FAM163A: variants seen among roughly 807,000 people sequenced by gnomAD.
The protein encoded by FAM163A is protein FAM163A.
Under a neutral mutation model 12.0 loss-of-function variants are expected in FAM163A, and 7 were observed. The observed-to-expected ratio is 0.58, with a 90% CI of 0.33 to 1.10. The LOEUF (loss-of-function observed/expected upper bound fraction) is 1.10. Ranked by LOEUF, FAM163A falls within the 50% of genes least tolerant of loss-of-function variation. The probability of loss-of-function intolerance (pLI) is 0.03; values close to 1 mark genes in which losing one functional copy is unlikely to be tolerated. For missense variants in FAM163A, 202 were observed against 218.6 expected, an observed-to-expected ratio of 0.92 and a Z score of 0.48; for synonymous variants, 101 against 91.0, an observed-to-expected ratio of 1.11 and a Z score of -0.62.
chr1:179,807,706 A>G (rs2777920), intron 1 of FAM163A, 92 bp from the exon 2 acceptor site: 77,740 of 152,204 alleles, frequency 0.51, 22,480 homozygotes, highest in African/African-American at 0.79. Flanking sequence ...CCACTCTAGA[A>G]GCTGGGGTCA....
Position 179,813,094 on chromosome 1 carries a change from G to C in FAM163A, c.-4G>C. 1 of 1,551,726 alleles carries C rather than the reference G, an allele frequency of 6.4e-7. No individual in the cohort carries two copies. The highest frequency in any genetic ancestry group is 2.4e-5 in the East Asian group (1 of 40,910). ...TTTGCAGAGTTTGATGGGGCGCCGG[G>C]CGGATGACAGCGGGAACGGTTGTGA... On this transcript the variant is annotated 5_prime_UTR_variant, in exon 4 of 5. Coordinates refer to ENST00000341785, the MANE Select transcript of FAM163A (RefSeq NM_173509.3).
intron 1 of FAM163A, among the ~76,000 whole-genome samples, chr1:179,807,499 G>A (rs1252981339): frequency 6.6e-6 from 1 of 152,178 alleles, no homozygotes; most frequent in Non-Finnish European, 1.5e-5. Context: ...TGCCCCACTC[G>A]CCGTCACCTC....
At chr1:179,779,365 A>G (rs1353500371) in intron 1 of FAM163A, among the ~76,000 whole-genome samples, 1 of 152,122 alleles carries the variant, frequency 6.6e-6, no homozygotes, top group African/African-American at 2.4e-5. Flanking sequence ...AGCAGTCAGG[A>G]TCATGCCTTC....
chr1:179,760,108 G>T (rs1343714790), intron 1 of FAM163A, among the ~76,000 whole-genome samples: 2 of 152,222 alleles, frequency 1.3e-5, no homozygotes, highest in African/African-American at 4.8e-5. Context: ...GTTGGAAGAT[G>T]GTTATGGCGG....
At chr1:179,783,028 G>A (rs1374068885) in intron 1 of FAM163A, among the ~76,000 whole-genome samples, 1 of 152,010 alleles carries the variant, frequency 6.6e-6, no homozygotes, top group African/African-American at 2.4e-5. Flanking sequence ...TACTTGGGAG[G>A]CTGAGGCATG....
chr1:179,735,006 A>G, the FAM163A span, among the ~76,000 whole-genome samples: 1 of 152,204 alleles, frequency 6.6e-6, no homozygotes. Context: ...TAAAAGTTAA[A>G]ACAAAAAAAG....
At position 179,816,196 on chromosome 1, in the gene FAM163A, C is replaced by T. The variant is rs754289231; in HGVS notation, c.*2007C>T. 5 of 152,238 alleles carry T rather than the reference C, an allele frequency of 3.3e-5. No individual in the cohort carries two copies. The highest frequency in any genetic ancestry group is 4.4e-5 in the Non-Finnish European group (3 of 68,054). 9.4% of individuals were successfully genotyped at this position (152,238 alleles called of 1,614,324 possible). On this transcript the variant is annotated 3_prime_UTR_variant, in exon 5 of 5. Transcript: ENST00000341785. ...CAATAAAACAAGATTAGCAGCAAAA[C>T]AATTTTAATTGTCAGTGAAAAGCAA...
At chr1:179,799,133 T>C (rs1692801447) in intron 1 of FAM163A, among the ~76,000 whole-genome samples, 1 of 149,554 alleles carries the variant, frequency 6.7e-6, no homozygotes, top group Non-Finnish European at 1.5e-5. Context: ...AACAAGTGTT[T>C]CACTGCTGAA....
At chr1:179,758,894 T>G (rs1352852738) in intron 1 of FAM163A, among the ~76,000 whole-genome samples, 1 of 152,208 alleles carries the variant, frequency 6.6e-6, no homozygotes, top group Non-Finnish European at 1.5e-5. Context: ...GCTCCAGCAC[T>G]ATGGTTGGCA....
chr1:179,744,221 C>T (rs942653771), intron 1 of FAM163A, among the ~76,000 whole-genome samples: 2 of 152,178 alleles, frequency 1.3e-5, no homozygotes, highest in Admixed American at 6.5e-5. Flanking sequence ...CCGCGGTGTC[C>T]TTGCTCCCGA....
At chr1:179,741,170 A>G (rs1375201863), upstream of FAM163A, among the ~76,000 whole-genome samples, 1 of 152,252 alleles carries the variant, frequency 6.6e-6, no homozygotes, top group Non-Finnish European at 1.5e-5. Context: ...AGTAGCCTAT[A>G]AACATATGTA....
At chr1:179,791,670 A>G (rs749470311) in intron 1 of FAM163A, among the ~76,000 whole-genome samples, 8 of 152,168 alleles carry the variant, frequency 5.3e-5, no homozygotes, top group Non-Finnish European at 1.0e-4. Flanking sequence ...ACAGTTGCTA[A>G]CTGGATTTTT....
chr1:179,762,198 A>G (rs11590974), intron 1 of FAM163A, among the ~76,000 whole-genome samples: 35,088 of 152,198 alleles, frequency 0.23, 4,323 homozygotes, highest in Non-Finnish European at 0.25. Flanking sequence ...AGAGATAATC[A>G]TGTTAGAAAC....
At chr1:179,740,209 G>A (rs1683471134), upstream of FAM163A, among the ~76,000 whole-genome samples, 1 of 149,982 alleles carries the variant, frequency 6.7e-6, no homozygotes. Flanking sequence ...GAGACGTCTT[G>A]CTCTGTTCTC....
intron 1 of FAM163A, among the ~76,000 whole-genome samples, chr1:179,782,756 G>A (rs1000314797): frequency 1.3e-5 from 2 of 152,192 alleles, no homozygotes; most frequent in African/African-American, 2.4e-5. Flanking sequence ...TGTTACAGAG[G>A]AGGCAACTGT....
intron 1 of FAM163A, among the ~76,000 whole-genome samples, chr1:179,804,425 T>G (rs1693631691): frequency 6.6e-6 from 1 of 152,206 alleles, no homozygotes. Context: ...AAACAAGTCA[T>G]TTGTCCTGTT....
intron 1 of FAM163A, among the ~76,000 whole-genome samples, chr1:179,804,790 C>G (rs965002737): frequency 6.6e-6 from 1 of 152,028 alleles, no homozygotes; most frequent in African/African-American, 2.4e-5. Context: ...ATAATGCATA[C>G]TGGGGCCTAA....
intron 1 of FAM163A, among the ~76,000 whole-genome samples, chr1:179,752,405 A>C (rs1404390309): frequency 6.6e-6 from 1 of 151,938 alleles, no homozygotes; most frequent in Non-Finnish European, 1.5e-5. Flanking sequence ...TTTCATGGAT[A>C]TGAAAATCAC....
chr1:179,732,917 A>G, the FAM163A span, among the ~76,000 whole-genome samples: 40 of 141,032 alleles, frequency 2.8e-4, no homozygotes, highest in African/African-American at 7.5e-4. Flanking sequence ...GATTGTTTAC[A>G]TGATTGTTAG....
Sources: gnomAD v4.1 joint callset for allele counts (sites outside exome capture counted in the v4.1 genomes callset) on GRCh38, gnomAD v4.1.1 for gene constraint, MANE v1.5 for transcripts, NCBI Gene and HGNC (gene_info 2026-07-23, HGNC 2026-07-21) for gene names.